The following SH3BGRL2 variants were observed in gnomAD, a reference collection of about 807,000 sequenced individuals.
The protein encoded by SH3BGRL2 is SH3 domain-binding glutamic acid-rich-like protein 2.
SH3BGRL2 carries 21 observed loss-of-function variants against 14.8 expected under a neutral mutation model. The observed-to-expected ratio is 1.42, with a 90% CI of 1.01 to 2.05. The LOEUF is 2.05. Among genes scored for constraint, SH3BGRL2 ranks in the 30% most tolerant of loss-of-function variants. The probability of loss-of-function intolerance (pLI) is 0.00; values close to 1 mark genes in which losing one functional copy is unlikely to be tolerated. For missense variants in SH3BGRL2, 147 were observed against 130.8 expected, an observed-to-expected ratio of 1.12 and a Z score of -0.61; for synonymous variants, 50 against 47.8, an observed-to-expected ratio of 1.05 and a Z score of -0.19.
intron 1 of SH3BGRL2, among the ~76,000 whole-genome samples, chr6:79,649,900 G>A (rs533778590): frequency 6.6e-6 from 1 of 152,028 alleles, no homozygotes; most frequent in African/African-American, 2.4e-5. Flanking sequence ...CCTTGTAAAC[G>A]TCTGAGTGAA....
the SH3BGRL2 span, among the ~76,000 whole-genome samples, chr6:79,540,711 G>A: frequency 7.2e-5 from 11 of 152,164 alleles, no homozygotes; most frequent in East Asian, 1.9e-4. Context: ...GCTGGTCATC[G>A]ATAGAATGAA....
chr6:79,554,941 ATTC>A, the SH3BGRL2 span, among the ~76,000 whole-genome samples: 301 of 152,250 alleles, frequency 2.0e-3, 3 homozygotes, highest in East Asian at 5.2e-3. Context: ...TATTACAGAT[ATTC>A]TTATTTATAT....
At chr6:79,579,648 A>T in the SH3BGRL2 span, among the ~76,000 whole-genome samples, 4 of 152,232 alleles carry the variant, frequency 2.6e-5, no homozygotes, top group Admixed American at 6.5e-5. Context: ...TCCCGAAGGA[A>T]GCACTAAACA....
intron 1 of SH3BGRL2, among the ~76,000 whole-genome samples, chr6:79,638,039 A>G (rs999594371): frequency 6.6e-6 from 1 of 152,168 alleles, no homozygotes; most frequent in African/African-American, 2.4e-5. Flanking sequence ...ATCTAGTGAT[A>G]TTTCTGTATA....
At chr6:79,593,734 A>G in the SH3BGRL2 span, among the ~76,000 whole-genome samples, 1 of 152,252 alleles carries the variant, frequency 6.6e-6, no homozygotes, top group African/African-American at 2.4e-5. Context: ...GAAGATTTAA[A>G]GTAGTGCCAA....
At chr6:79,543,033 G>T in the SH3BGRL2 span, among the ~76,000 whole-genome samples, 3 of 152,122 alleles carry the variant, frequency 2.0e-5, no homozygotes, top group African/African-American at 7.2e-5. Flanking sequence ...ATGACCTCAT[G>T]ATCTTAAACA....
At chr6:79,615,755 T>C in the SH3BGRL2 span, among the ~76,000 whole-genome samples, 1 of 144,186 alleles carries the variant, frequency 6.9e-6, no homozygotes, top group African/African-American at 2.6e-5. Flanking sequence ...TCTAGTTTTA[T>C]ATTTTTTTTC....
the SH3BGRL2 span, among the ~76,000 whole-genome samples, chr6:79,592,475 T>C: frequency 2.6e-5 from 4 of 152,186 alleles, no homozygotes; most frequent in African/African-American, 4.8e-5. Flanking sequence ...TAGCCTAGTC[T>C]TAAGACTATG....
At chr6:79,640,749 T>C (rs1769014832) in intron 1 of SH3BGRL2, among the ~76,000 whole-genome samples, 1 of 151,964 alleles carries the variant, frequency 6.6e-6, no homozygotes, top group African/African-American at 2.4e-5. Context: ...ACAGGGAACG[T>C]TGGGTGCGAC....
the SH3BGRL2 span, among the ~76,000 whole-genome samples, chr6:79,568,109 A>G: frequency 6.6e-6 from 1 of 152,178 alleles, no homozygotes; most frequent in African/African-American, 2.4e-5. Flanking sequence ...AACTGCTAAT[A>G]CTGCTAATGA....
intron 1 of SH3BGRL2, among the ~76,000 whole-genome samples, chr6:79,650,112 G>A (rs1769257254): frequency 6.6e-6 from 1 of 151,914 alleles, no homozygotes; most frequent in Admixed American, 6.6e-5. Flanking sequence ...AGAAATTTGA[G>A]GTGGAGAGAC....
chr6:79,628,829 G>A (rs528156102), upstream of SH3BGRL2, among the ~76,000 whole-genome samples: 43 of 152,274 alleles, frequency 2.8e-4, no homozygotes, highest in Admixed American at 1.4e-3. Context: ...GACACAGAGC[G>A]CTTATGAATT....
At chr6:79,580,163 C>G in the SH3BGRL2 span, among the ~76,000 whole-genome samples, 1 of 152,144 alleles carries the variant, frequency 6.6e-6, no homozygotes, top group African/African-American at 2.4e-5. Context: ...CCTTAGAGAC[C>G]TACAAAGAGA....
At chr6:79,541,234 C>A in the SH3BGRL2 span, among the ~76,000 whole-genome samples, 1 of 151,960 alleles carries the variant, frequency 6.6e-6, no homozygotes, top group Non-Finnish European at 1.5e-5. Flanking sequence ...GCCTGGGCGG[C>A]AGAGTGAGAC....
chr6:79,654,083 T>C (rs1273384759), intron 1 of SH3BGRL2, among the ~76,000 whole-genome samples: 11 of 152,240 alleles, frequency 7.2e-5, no homozygotes, highest in Admixed American at 6.5e-4. Context: ...AACACTTTTA[T>C]AACTTGCTGT....
At chr6:79,692,456 C>T (rs1374696344) in intron 2 of SH3BGRL2, among the ~76,000 whole-genome samples, 49 of 152,242 alleles carry the variant, frequency 3.2e-4, no homozygotes, top group Non-Finnish European at 6.6e-4. Context: ...AATGGTATTG[C>T]GTAGGTTTTC....
chr6:79,654,814 G>A (rs992438945), intron 1 of SH3BGRL2, among the ~76,000 whole-genome samples: 12 of 152,222 alleles, frequency 7.9e-5, no homozygotes, highest in Admixed American at 4.6e-4. Context: ...GTTAAGGTTT[G>A]ATCCCTTTTA....
intron 1 of SH3BGRL2, among the ~76,000 whole-genome samples, chr6:79,634,577 CGTCA>C (rs1293584625): frequency 2.0e-5 from 3 of 151,968 alleles, no homozygotes; most frequent in Non-Finnish European, 4.4e-5. Context: ...TCATTTATTC[CGTCA>C]GTCAGTTATT....
At chr6:79,543,759 G>A in the SH3BGRL2 span, among the ~76,000 whole-genome samples, 3 of 152,154 alleles carry the variant, frequency 2.0e-5, no homozygotes, top group South Asian at 4.1e-4. Flanking sequence ...ACAGACATCA[G>A]TATATTGGTG....
Sources: allele counts gnomAD v4.1 joint callset (sites outside exome capture counted in the v4.1 genomes callset), GRCh38; gene constraint gnomAD v4.1.1; transcripts MANE v1.5; gene names NCBI Gene and HGNC (gene_info 2026-07-23, HGNC 2026-07-21).